USP34: variants seen among roughly 807,000 people sequenced by gnomAD.
USP34 encodes the protein ubiquitin carboxyl-terminal hydrolase 34.
USP34 carries 70 observed loss-of-function variants against 460.3 expected under a neutral mutation model. The observed-to-expected ratio is 0.15, with a 90% CI of 0.13 to 0.19. USP34 has a LOEUF of 0.19. Ranked by LOEUF, USP34 falls within the 10% of genes least tolerant of loss-of-function variation. USP34 has a pLI of 1.00. For synonymous variants in USP34, 1,647 were observed against 1,405.3 expected, an observed-to-expected ratio of 1.17 and a Z score of -3.85; for missense variants, 3,985 against 4,236.2, an observed-to-expected ratio of 0.94 and a Z score of 1.65.
At chr2:61,241,900 C>G in intron 51 of USP34, 81 bp from the exon 52 acceptor site, 1 of 761,264 alleles carries the variant, frequency 1.3e-6, no homozygotes, top group Non-Finnish European at 2.0e-6. Context: ...ATTTCATAAA[C>G]AGCTATTTTA....
chr2:61,349,612 G>T (rs78160107), intron 12 of USP34, among the ~76,000 whole-genome samples: 76 of 152,184 alleles, frequency 5.0e-4, no homozygotes, highest in African/African-American at 1.8e-3. Context: ...AGGCCAAGGC[G>T]GATGGATGAC....
At chr2:61,356,272 G>C (rs1474871298) in intron 10 of USP34, among the ~76,000 whole-genome samples, 2 of 151,924 alleles carry the variant, frequency 1.3e-5, no homozygotes, top group Non-Finnish European at 2.9e-5. Context: ...TGGATCACTT[G>C]AGCCCAGGAA....
chr2:61,216,300 T>C (rs1209729345), intron 67 of USP34, among the ~76,000 whole-genome samples: 2 of 152,168 alleles, frequency 1.3e-5, no homozygotes, highest in Non-Finnish European at 2.9e-5. Flanking sequence ...TAATTTACGA[T>C]TTAAAAAAGC....
At chr2:61,444,667 TAAAGGGCTAGGGTGGG>T (rs1229193445) in intron 1 of USP34, among the ~76,000 whole-genome samples, 2 of 152,008 alleles carry the variant, frequency 1.3e-5, no homozygotes, top group African/African-American at 4.8e-5. Context: ...TGATGCACAT[TAAAGGGCTAGGGTGGG>T]AGGGCCAGCT....
chr2:61,236,512 TAAGTTC>T (rs1688072519), intron 53 of USP34, 123 bp from the exon 54 acceptor site: 1 of 696,102 alleles, frequency 1.4e-6, no homozygotes, highest in South Asian at 2.6e-5. Context: ...CCATGCACTT[TAAGTTC>T]ATTTTGATTT....
intron 41 of USP34, chr2:61,277,681 G>T (rs1689411568): frequency 6.6e-6 from 1 of 152,338 alleles, no homozygotes; most frequent in African/African-American, 2.4e-5. Flanking sequence ...TTTTATGTCT[G>T]TATGTTTAAA....
In USP34 at chr2:61,278,421, G is replaced by A. The variant is rs557246855; in HGVS notation, c.5279C>T (p.Ala1760Val). 3.4e-5 allele frequency: 55 copies of A among 1,596,136 alleles called. No individual in the cohort carries two copies. Among genetic ancestry groups the A allele is most frequent in the Non-Finnish European group, 4.6e-5 (54 of 1,174,294 alleles). The change falls in exon 40 of 80, where the codon GCC becomes GTC. Residue 1760 changes from alanine (A) to valine (V), a missense_variant. Coordinates refer to ENST00000398571, the MANE Select transcript of USP34 (RefSeq NM_014709.4). ...ACAGTCAGCCAAATGTCTTGCCAAG[G>A]CATCTAAGTCGAGGAGCGTTGTCTT... is the stretch of plus-strand genomic sequence containing the variant. ...ASQTTLLDLD[A>V]LARHLADCIR...
At chr2:61,340,470 ACTG>A (rs1303677128) in intron 16 of USP34, among the ~76,000 whole-genome samples, 3 of 152,174 alleles carry the variant, frequency 2.0e-5, no homozygotes, top group African/African-American at 7.2e-5. Context: ...TTAAAAGAAA[ACTG>A]CTGAAAAGAT....
At chr2:61,231,373 C>G (rs1215392481) in intron 58 of USP34, among the ~76,000 whole-genome samples, 1 of 151,920 alleles carries the variant, frequency 6.6e-6, no homozygotes, top group Non-Finnish European at 1.5e-5. Flanking sequence ...CTAAAAACCA[C>G]TAAATTTTAC....
At chr2:61,342,740 GA>G (rs1286207726) in intron 16 of USP34, among the ~76,000 whole-genome samples, 2 of 152,196 alleles carry the variant, frequency 1.3e-5, no homozygotes, top group African/African-American at 2.4e-5. Flanking sequence ...AAACAAGGTA[GA>G]TTTGGAAAGC....
At chr2:61,269,569 T>C (rs962437972) in intron 41 of USP34, among the ~76,000 whole-genome samples, 1 of 152,134 alleles carries the variant, frequency 6.6e-6, no homozygotes. Context: ...TGAATGTATA[T>C]TGTCTACAAA....
At chr2:61,272,996 A>G (rs1689261207) in intron 41 of USP34, among the ~76,000 whole-genome samples, 1 of 152,232 alleles carries the variant, frequency 6.6e-6, no homozygotes, top group African/African-American at 2.4e-5. Flanking sequence ...AAGATAACTG[A>G]AAACAGTCTA....
chr2:61,286,325 A>G (rs1363150569), intron 34 of USP34, among the ~76,000 whole-genome samples: 1 of 152,166 alleles, frequency 6.6e-6, no homozygotes, highest in East Asian at 1.9e-4. Context: ...AAACTCATGC[A>G]AAAACTATAT....
chr2:61,312,052 T>C, intron 25 of USP34, 142 bp from the exon 26 acceptor site: 1 of 1,001,976 alleles, frequency 1.0e-6, no homozygotes, highest in Non-Finnish European at 1.4e-6. Flanking sequence ...GCAACAAATT[T>C]AAGTTCAGAT....
intron 5 of USP34, among the ~76,000 whole-genome samples, chr2:61,391,009 C>G (rs1341586519): frequency 6.6e-6 from 1 of 151,854 alleles, no homozygotes; most frequent in Non-Finnish European, 1.5e-5. Context: ...GCAGGAGAAT[C>G]GCTTGAATCT....
At chr2:61,271,176 C>T (rs59150816) in intron 41 of USP34, among the ~76,000 whole-genome samples, 2 of 152,074 alleles carry the variant, frequency 1.3e-5, no homozygotes, top group Non-Finnish European at 2.9e-5. Flanking sequence ...TGACACACGC[C>T]TGTAATCCCA....
chr2:61,288,426 T>C (rs1476487435), intron 34 of USP34, among the ~76,000 whole-genome samples: 1 of 152,196 alleles, frequency 6.6e-6, no homozygotes, highest in Non-Finnish European at 1.5e-5. Context: ...CCAAAGTATA[T>C]AAATTACTGA....
At chr2:61,292,885 A>T (rs1167703831) in intron 33 of USP34, among the ~76,000 whole-genome samples, 1 of 152,086 alleles carries the variant, frequency 6.6e-6, no homozygotes, top group Admixed American at 6.5e-5. Context: ...AACATTTTTT[A>T]AAATTTCCAT....
intron 23 of USP34, 99 bp downstream of exon 23, chr2:61,317,555 A>T: frequency 2.0e-6 from 2 of 1,018,962 alleles, no homozygotes; most frequent in Non-Finnish European, 2.9e-6. Context: ...CTGCACAGGT[A>T]GTAAATTCTA....
Sources: allele counts gnomAD v4.1 joint callset (sites outside exome capture counted in the v4.1 genomes callset), GRCh38; gene constraint gnomAD v4.1.1; transcripts MANE v1.5; gene names NCBI Gene and HGNC (gene_info 2026-07-23, HGNC 2026-07-21).